Variants in ARHGAP24 observed in about 807,000 individuals in gnomAD.
The protein encoded by ARHGAP24 is rho GTPase-activating protein 24.
Under a neutral mutation model 76.4 loss-of-function variants are expected in ARHGAP24, and 50 were observed. The ratio of observed to expected loss-of-function variants is 0.65; its 90% CI spans 0.52 to 0.83. The LOEUF (loss-of-function observed/expected upper bound fraction) is 0.83, where lower values mean the gene tolerates loss of function less well. Ranked by LOEUF, ARHGAP24 falls within the 40% of genes least tolerant of loss-of-function variation. The pLI, the probability that ARHGAP24 is intolerant of heterozygous loss-of-function variation, is 0.00. For missense variants in ARHGAP24, 930 were observed against 914.2 expected (o/e 1.02, Z -0.22); for synonymous variants, 345 against 323.3 (o/e 1.07, Z -0.72).
At chr4:85,552,730 T>C (rs1032243140) in intron 1 of ARHGAP24, among the ~76,000 whole-genome samples, 1 of 152,228 alleles carries the variant, frequency 6.6e-6, no homozygotes, top group Non-Finnish European at 1.5e-5. Flanking sequence ...ATATTTAGGA[T>C]AGTCAGGTAT....
chr4:85,487,890 A>G (rs562100013), intron 1 of ARHGAP24, among the ~76,000 whole-genome samples: 293 of 127,700 alleles, frequency 2.3e-3, no homozygotes, highest in Non-Finnish European at 3.7e-3. Flanking sequence ...TATATATAAT[A>G]AATATATTTT....
intron 8 of ARHGAP24, among the ~76,000 whole-genome samples, chr4:85,981,369 T>C (rs1446889366): frequency 6.6e-6 from 1 of 152,230 alleles, no homozygotes; most frequent in East Asian, 1.9e-4. Context: ...GCTTGACAGC[T>C]TCCTAAATTC....
At chr4:85,807,916 G>C (rs912149230) in intron 3 of ARHGAP24, among the ~76,000 whole-genome samples, 1 of 151,980 alleles carries the variant, frequency 6.6e-6, no homozygotes, top group Non-Finnish European at 1.5e-5. Context: ...ATCCCTCAAG[G>C]CACTTTTTTT....
intron 3 of ARHGAP24, among the ~76,000 whole-genome samples, chr4:85,829,244 T>C (rs994201853): frequency 1.3e-5 from 2 of 152,226 alleles, no homozygotes; most frequent in South Asian, 4.1e-4. Flanking sequence ...TCCATTTTGA[T>C]AGACTTTAAA....
intron 3 of ARHGAP24, among the ~76,000 whole-genome samples, chr4:85,852,478 G>A (rs1731292439): frequency 1.3e-5 from 2 of 152,164 alleles, no homozygotes; most frequent in African/African-American, 2.4e-5. Flanking sequence ...TCTCCATCCA[G>A]CCTTGTTCTG....
chr4:85,631,611 T>A (rs182454571), intron 2 of ARHGAP24, among the ~76,000 whole-genome samples: 35 of 152,272 alleles, frequency 2.3e-4, no homozygotes, highest in African/African-American at 7.7e-4. Flanking sequence ...ATAGATTCAA[T>A]GTTCACTTCT....
chr4:85,801,146 A>T (rs987284615), intron 3 of ARHGAP24, among the ~76,000 whole-genome samples: 1 of 152,122 alleles, frequency 6.6e-6, no homozygotes, highest in African/African-American at 2.4e-5. Flanking sequence ...TTGTTCAAGT[A>T]TAGCAATTTT....
intron 3 of ARHGAP24, among the ~76,000 whole-genome samples, chr4:85,849,471 C>T (rs1731092383): frequency 1.3e-5 from 2 of 152,212 alleles, no homozygotes; most frequent in Non-Finnish European, 1.5e-5. Flanking sequence ...CTGGCCAGAA[C>T]TTCCAACACT....
At chr4:85,974,773 T>G (rs1739227467) in intron 6 of ARHGAP24, 115 bp from the exon 7 acceptor site, 1 of 887,034 alleles carries the variant, frequency 1.1e-6, no homozygotes, top group Non-Finnish European at 1.8e-6. Context: ...GACAAGATCT[T>G]TCACTGATAA....
chr4:85,594,082 GA>G (rs2109983074), intron 2 of ARHGAP24, among the ~76,000 whole-genome samples: 1 of 152,048 alleles, frequency 6.6e-6, no homozygotes, highest in Non-Finnish European at 1.5e-5. Flanking sequence ...TCCATTCTGT[GA>G]ATATGGGATC....
chr4:85,540,474 T>C (rs1994062), intron 1 of ARHGAP24, among the ~76,000 whole-genome samples: 17,298 of 152,194 alleles, frequency 0.11, 3,154 homozygotes, highest in African/African-American at 0.38. Flanking sequence ...AGTCTAGAAG[T>C]TATAAGCAGC....
At chr4:85,493,349 G>C (rs1036395897) in intron 1 of ARHGAP24, among the ~76,000 whole-genome samples, 2 of 152,174 alleles carry the variant, frequency 1.3e-5, no homozygotes, top group African/African-American at 4.8e-5. Context: ...TGTCACTATG[G>C]TGTTTGCCAA....
intron 1 of ARHGAP24, among the ~76,000 whole-genome samples, chr4:85,568,495 T>C (rs1290145303): frequency 6.6e-6 from 1 of 152,170 alleles, no homozygotes; most frequent in Non-Finnish European, 1.5e-5. Context: ...TAAGCATACT[T>C]ATTATCTAAA....
intron 8 of ARHGAP24, among the ~76,000 whole-genome samples, chr4:85,979,481 C>T (rs1186096510): frequency 6.6e-6 from 1 of 152,040 alleles, no homozygotes; most frequent in African/African-American, 2.4e-5. Flanking sequence ...TAAACACGAA[C>T]TCCCCTTTCC....
intron 3 of ARHGAP24, among the ~76,000 whole-genome samples, chr4:85,749,418 C>T (rs998325658): frequency 6.6e-6 from 1 of 152,122 alleles, no homozygotes; most frequent in African/African-American, 2.4e-5. Flanking sequence ...AAATTATTAC[C>T]AGTTGATATA....
At chr4:85,772,229 A>T (rs1240399857) in intron 3 of ARHGAP24, among the ~76,000 whole-genome samples, 2 of 152,162 alleles carry the variant, frequency 1.3e-5, no homozygotes, top group Non-Finnish European at 2.9e-5. Context: ...CTTCATAGGT[A>T]GGGTGACATG....
intron 2 of ARHGAP24, among the ~76,000 whole-genome samples, chr4:85,661,371 C>T (rs1398906756): frequency 4.6e-5 from 7 of 152,148 alleles, no homozygotes; most frequent in Non-Finnish European, 8.8e-5. Context: ...CAAAATACGT[C>T]GTAGGCTCAA....
chr4:85,828,043 A>G lies in ARHGAP24; in HGVS notation c.269-95605A>G. 3.4e-6 allele frequency: 4 copies of G among 1,175,176 alleles called. No individual in the cohort carries two copies. The South Asian group carries it at 5.1e-5, about 15-fold the overall frequency. 72.8% of individuals were successfully genotyped at this position (1,175,176 alleles called of 1,614,324 possible). On this transcript the variant is annotated intron_variant, in intron 3 of 9. Coordinates refer to ENST00000395184, the MANE Select transcript of ARHGAP24 (RefSeq NM_001025616.3). ...CAGGTATTGTTGTTGATTGTGTTTAATAATTTGGGGATATTTATATCACCA... is the reference window on the plus strand; with the variant it reads ...CAGGTATTGTTGTTGATTGTGTTTAGTAATTTGGGGATATTTATATCACCA...
At chr4:85,678,843 T>A (rs939340869) in intron 2 of ARHGAP24, among the ~76,000 whole-genome samples, 3 of 152,160 alleles carry the variant, frequency 2.0e-5, no homozygotes, top group African/African-American at 7.2e-5. Flanking sequence ...GGACATTTTG[T>A]TATAGGAAGT....
Sources: gnomAD v4.1 joint callset for allele counts (sites outside exome capture counted in the v4.1 genomes callset) on GRCh38, gnomAD v4.1.1 for gene constraint, MANE v1.5 for transcripts, NCBI Gene and HGNC (gene_info 2026-07-23, HGNC 2026-07-21) for gene names.